TRPM5: variants seen among roughly 807,000 people sequenced by gnomAD.
The protein encoded by TRPM5 is MLSN1 and TRP-related.
Under a neutral mutation model 124.9 loss-of-function variants are expected in TRPM5, and 121 were observed. That is an observed-to-expected ratio of 0.97 (90% CI 0.84 to 1.13). The LOEUF (loss-of-function observed/expected upper bound fraction) is 1.13, where lower values mean the gene tolerates loss of function less well. TRPM5 is among the 50% of genes most tolerant of loss of function. The pLI is 0.00. For missense variants in TRPM5, 1,643 were observed against 1,589.1 expected (o/e 1.03, Z -0.58); for synonymous variants, 781 against 700.5 (o/e 1.11, Z -1.81).
the TRPM5 span, among the ~76,000 whole-genome samples, chr11:2,434,337 G>A: frequency 3.4e-5 from 5 of 147,786 alleles, no homozygotes; most frequent in Admixed American, 2.0e-4. Context: ...TGCAAATGCT[G>A]TGTGTGTGTG....
the TRPM5 span, among the ~76,000 whole-genome samples, chr11:2,428,787 C>T: frequency 2.2e-3 from 316 of 140,564 alleles, 4 homozygotes; most frequent in African/African-American, 8.2e-3. The surrounding 1 kb of genome is among the most constrained non-coding windows in gnomAD (Gnocchi z 4.0). Context: ...TGGTGGGTGA[C>T]GAAGGTGGTG....
the TRPM5 span, among the ~76,000 whole-genome samples, chr11:2,432,594 G>A: frequency 1.3e-5 from 2 of 152,264 alleles, no homozygotes; most frequent in Non-Finnish European, 2.9e-5. Flanking sequence ...AGGAGCTGCA[G>A]GCTGGCTCCC....
At chr11:2,421,105 T>C (rs1413346468) in exon 3 of TRPM5, 3 of 1,547,614 alleles carry the variant, frequency 1.9e-6, no homozygotes, top group Non-Finnish European at 1.7e-6. Flanking sequence ...CACACGGACC[T>C]TGGTGGACGT....
At chr11:2,411,853 A>AGGGCCAGGGCC (rs1464683612) in intron 16 of TRPM5, 86 bp from the exon 22 acceptor site, 5 of 1,527,704 alleles carry the variant, frequency 3.3e-6, no homozygotes, top group East Asian at 4.6e-5. Context: ...GGCTGCGGGC[A>AGGGCCAGGGCC]GGGCCAGGGC....
At chr11:2,411,331 C>A (rs746106861) in intron 18 of TRPM5, 21 bp downstream of exon 23, 61 of 1,549,838 alleles carry the variant, frequency 3.9e-5, no homozygotes, top group Non-Finnish European at 5.2e-5. Context: ...CTGCCCCTGC[C>A]CCCGCTGGCT....
At chr11:2,423,719 C>T (rs1008133799), upstream of TRPM5, among the ~76,000 whole-genome samples, 1 of 152,216 alleles carries the variant, frequency 6.6e-6, no homozygotes, top group African/African-American at 2.4e-5. Context: ...GCGTGCGCCT[C>T]AGCCCTATTC....
At chr11:2,439,868 A>T in the TRPM5 span, among the ~76,000 whole-genome samples, 2,206 of 152,260 alleles carry the variant, frequency 0.014, 52 homozygotes, top group African/African-American at 0.051. Context: ...CCAAAAAGAC[A>T]CCTGCACTTC....
At chr11:2,435,711 A>G in the TRPM5 span, among the ~76,000 whole-genome samples, 22 of 151,154 alleles carry the variant, frequency 1.5e-4, no homozygotes, top group East Asian at 4.3e-3. The surrounding 1 kb of genome is among the most constrained non-coding windows in gnomAD (Gnocchi z 4.1). Flanking sequence ...CCATCCATCC[A>G]TCCACCAATC....
At position 2,418,109 on chromosome 11, in the gene TRPM5, G is replaced by A. The variant is rs1845711797; in HGVS notation, c.906+58C>T. The A allele has an allele frequency of 6.9e-6, 10 of 1,448,644 alleles. No homozygotes were observed. In the South Asian group the frequency reaches 9.5e-5, roughly 14 times the overall value. 89.7% of individuals were successfully genotyped at this position (1,448,644 alleles called of 1,614,324 possible). A position where few individuals can be genotyped will look rare whatever the true frequency, so the allele number is the denominator to read the frequency against. ...GCTGCATTGCAGGAACTCTCCCAGA[G>A]GACCAGCCCCACCCCCGGAGGAGGG... On this transcript the variant is annotated intron_variant, in intron 6 of 23. Transcript: ENST00000155858.
chr11:2,416,860 C>T (rs537770023), intron 7 of TRPM5, among the ~76,000 whole-genome samples: 9 of 152,212 alleles, frequency 5.9e-5, no homozygotes, highest in African/African-American at 7.2e-5. Context: ...GGTGAACAGA[C>T]GCATCAACCA....
chr11:2,430,450 AGTGGTGGTG>A, the TRPM5 span, among the ~76,000 whole-genome samples: 33,038 of 151,508 alleles, frequency 0.22, 4,255 homozygotes, highest in African/African-American at 0.34. Flanking sequence ...TGGTGATACT[AGTGGTGGTG>A]GTGGTGGTGG....
intron 18 of TRPM5, among the ~76,000 whole-genome samples, chr11:2,409,136 G>A (rs919773754): frequency 6.6e-6 from 1 of 152,080 alleles, no homozygotes; most frequent in Non-Finnish European, 1.5e-5. Context: ...TGACGCGTTG[G>A]CCCGTGTGTG....
exon 8 of TRPM5, chr11:2,415,947 T>C (rs771085370): frequency 3.0e-5 from 48 of 1,580,744 alleles, no homozygotes; most frequent in Non-Finnish European, 4.0e-5. Flanking sequence ...CTCTTGGCGA[T>C]GTCCACGCGG....
chr11:2,422,119 C>T (rs1159454268), intron 2 of TRPM5, 22 bp downstream of exon 7: 1 of 1,568,676 alleles, frequency 6.4e-7, no homozygotes, highest in Non-Finnish European at 8.7e-7. Flanking sequence ...GGGAGCGCTG[C>T]CTGTGCCGGG....
At chr11:2,409,034 G>T (rs1436582197) in intron 18 of TRPM5, among the ~76,000 whole-genome samples, 2 of 152,172 alleles carry the variant, frequency 1.3e-5, no homozygotes, top group East Asian at 1.9e-4. Flanking sequence ...TTGTTCCCAG[G>T]TTCCTGCCTC....
intron 4 of TRPM5, among the ~76,000 whole-genome samples, chr11:2,419,796 G>A (rs980613297): frequency 1.3e-5 from 2 of 152,186 alleles, no homozygotes; most frequent in African/African-American, 4.8e-5. Context: ...CGTGCGACTG[G>A]CCAGAGGTGC....
chr11:2,440,393 C>T, the TRPM5 span, among the ~76,000 whole-genome samples: 163 of 152,318 alleles, frequency 1.1e-3, no homozygotes, highest in African/African-American at 3.8e-3. The surrounding 1 kb of genome is among the most constrained non-coding windows in gnomAD (Gnocchi z 5.2). Flanking sequence ...AGGAGACATT[C>T]GCCAGGCATA....
chr11:2,423,010 G>C, exon 1 of TRPM5: 3 of 1,612,438 alleles, frequency 1.9e-6, no homozygotes, highest in Non-Finnish European at 2.5e-6. Flanking sequence ...CGGGGCTTCC[G>C]GGACGGGGGC....
chr11:2,423,775 C>T (rs115694756), upstream of TRPM5, among the ~76,000 whole-genome samples: 955 of 152,324 alleles, frequency 6.3e-3, 15 homozygotes, highest in African/African-American at 0.022. Context: ...CCGGTGAGGT[C>T]GGGCATCTCA....
Sources: allele counts gnomAD v4.1 joint callset (sites outside exome capture counted in the v4.1 genomes callset), GRCh38; gene constraint gnomAD v4.1.1; non-coding constraint Gnocchi (gnomAD v3.1); transcripts MANE v1.5; gene names NCBI Gene and HGNC (gene_info 2026-07-23, HGNC 2026-07-21).